NR6A1: variants seen among roughly 807,000 people sequenced by gnomAD.
NR6A1 encodes the protein retinoic acid receptor-related testis-associated receptor.
NR6A1 carries 7 observed loss-of-function variants against 59.1 expected under a neutral mutation model. The observed-to-expected ratio is 0.12, with a 90% CI of 0.07 to 0.22. The LOEUF (loss-of-function observed/expected upper bound fraction) is 0.22. Ranked by LOEUF, NR6A1 falls within the 10% of genes least tolerant of loss-of-function variation. The pLI is 1.00. For synonymous variants in NR6A1, 243 were observed against 236.1 expected (o/e 1.03, Z -0.27); for missense variants, 468 against 611.6 (o/e 0.77, Z 2.48).
chr9:124,634,732 G>A (rs976133025), intron 2 of NR6A1, among the ~76,000 whole-genome samples: 2 of 152,156 alleles, frequency 1.3e-5, no homozygotes, highest in African/African-American at 4.8e-5. Flanking sequence ...TGAGGCAGGA[G>A]AATGGCGTGA....
At chr9:124,688,491 T>C (rs1838415720) in intron 2 of NR6A1, among the ~76,000 whole-genome samples, 1 of 152,214 alleles carries the variant, frequency 6.6e-6, no homozygotes. Flanking sequence ...CAATTAATGG[T>C]TGGTATCTGC....
intron 2 of NR6A1, among the ~76,000 whole-genome samples, chr9:124,585,352 A>C (rs1324637978): frequency 4.6e-5 from 7 of 152,106 alleles, no homozygotes; most frequent in African/African-American, 1.7e-4. Context: ...CATCCTGGCT[A>C]ACACGGTGAA....
chr9:124,576,634 G>A (rs899655890), intron 2 of NR6A1, among the ~76,000 whole-genome samples: 1 of 152,180 alleles, frequency 6.6e-6, no homozygotes, highest in African/African-American at 2.4e-5. Context: ...TTAGCTGTGT[G>A]ACTTAATGTC....
intron 1 of NR6A1, among the ~76,000 whole-genome samples, chr9:124,769,323 C>T (rs1244565482): frequency 6.6e-6 from 1 of 151,580 alleles, no homozygotes; most frequent in Non-Finnish European, 1.5e-5. Flanking sequence ...GTGAAGTTAA[C>T]CAAGCTCTCT....
chr9:124,671,056 A>C (rs1190618207), intron 2 of NR6A1, among the ~76,000 whole-genome samples: 1 of 152,224 alleles, frequency 6.6e-6, no homozygotes, highest in Non-Finnish European at 1.5e-5. Context: ...AAGATATCTA[A>C]AGTAGTCAAA....
chr9:124,639,494 C>T (rs1175877538), intron 2 of NR6A1, among the ~76,000 whole-genome samples: 1 of 152,152 alleles, frequency 6.6e-6, no homozygotes, highest in Admixed American at 6.5e-5. Context: ...GGTCTCATGG[C>T]TAGTTACCAA....
chr9:124,546,471 C>T (rs543548377), intron 3 of NR6A1, among the ~76,000 whole-genome samples: 4 of 152,266 alleles, frequency 2.6e-5, no homozygotes, highest in African/African-American at 4.8e-5. Context: ...TTAAATTATA[C>T]ATTTATTCTG....
intron 2 of NR6A1, among the ~76,000 whole-genome samples, chr9:124,577,721 T>C (rs1446293476): frequency 2.0e-5 from 3 of 152,230 alleles, no homozygotes; most frequent in Non-Finnish European, 4.4e-5. Flanking sequence ...CACATGAATT[T>C]GACTACCAAA....
chr9:124,717,783 C>T (rs1290741465), intron 2 of NR6A1, among the ~76,000 whole-genome samples: 1 of 152,178 alleles, frequency 6.6e-6, no homozygotes, highest in African/African-American at 2.4e-5. Flanking sequence ...TGCCACTTAC[C>T]AGCTGTGTGA....
At chr9:124,626,257 T>C (rs868113289) in intron 2 of NR6A1, among the ~76,000 whole-genome samples, 29 of 152,260 alleles carry the variant, frequency 1.9e-4, no homozygotes, top group South Asian at 6.2e-4. Flanking sequence ...CTGCCCGCCT[T>C]GGCCTCCCAA....
At chr9:124,557,976 A>G (rs557997686) in intron 2 of NR6A1, among the ~76,000 whole-genome samples, 12 of 152,326 alleles carry the variant, frequency 7.9e-5, no homozygotes, top group African/African-American at 2.9e-4. Context: ...TCACTGACTC[A>G]TGTAATCCTC....
chr9:124,759,703 T>G (rs555374630), intron 1 of NR6A1, among the ~76,000 whole-genome samples: 1 of 152,332 alleles, frequency 6.6e-6, no homozygotes, highest in African/African-American at 2.4e-5. Flanking sequence ...CACCGAAGAT[T>G]GTCCCTGATT....
chr9:124,584,790 T>C (rs1466280646), intron 2 of NR6A1, among the ~76,000 whole-genome samples: 1 of 152,192 alleles, frequency 6.6e-6, no homozygotes, highest in African/African-American at 2.4e-5. Flanking sequence ...GAAAGGCCTC[T>C]ATGTGTTCAA....
chr9:124,733,490 T>C (rs1465419967), intron 1 of NR6A1, 141 bp from the exon 2 acceptor site: 20 of 670,144 alleles, frequency 3.0e-5, no homozygotes, highest in Non-Finnish European at 5.1e-5. Flanking sequence ...AACATTTAGC[T>C]ACTACATATC....
intron 1 of NR6A1, among the ~76,000 whole-genome samples, chr9:124,752,034 C>G (rs1173002901): frequency 6.6e-6 from 1 of 152,142 alleles, no homozygotes; most frequent in Non-Finnish European, 1.5e-5. Flanking sequence ...ACTTTGGGAG[C>G]CCGGGGTGGG....
intron 2 of NR6A1, among the ~76,000 whole-genome samples, chr9:124,662,700 C>T (rs1359888789): frequency 6.6e-6 from 1 of 152,118 alleles, no homozygotes; most frequent in Admixed American, 6.5e-5. Flanking sequence ...TAAAATGAAA[C>T]ATTTGGACAG....
At chr9:124,570,524 T>C (rs1009106024) in intron 2 of NR6A1, among the ~76,000 whole-genome samples, 1 of 152,192 alleles carries the variant, frequency 6.6e-6, no homozygotes, top group Non-Finnish European at 1.5e-5. Context: ...TTCTCAACTG[T>C]AGGTGAGGGC....
intron 2 of NR6A1, among the ~76,000 whole-genome samples, chr9:124,601,511 G>C (rs996644614): frequency 1.3e-5 from 2 of 151,076 alleles, no homozygotes. Context: ...GTGAACCTGG[G>C]AGGCGGAGCT....
intron 2 of NR6A1, among the ~76,000 whole-genome samples, chr9:124,611,952 G>T (rs1320363593): frequency 6.6e-6 from 1 of 152,112 alleles, no homozygotes; most frequent in African/African-American, 2.4e-5. Context: ...TATCTTAGAA[G>T]AGGGGCAAAA....
Sources: allele counts gnomAD v4.1 joint callset (sites outside exome capture counted in the v4.1 genomes callset), GRCh38; gene constraint gnomAD v4.1.1; transcripts MANE v1.5; gene names NCBI Gene and HGNC (gene_info 2026-07-23, HGNC 2026-07-21).